Variants in LHPP observed in about 807,000 individuals in gnomAD.
The protein encoded by LHPP is phospholysine phosphohistidine inorganic pyrophosphate phosphatase.
In LHPP, 24 loss-of-function variants were observed where a neutral mutation model predicts 30.3. That is an observed-to-expected ratio of 0.79 (90% CI 0.57 to 1.11). LHPP has a LOEUF of 1.11. Ranked by LOEUF, LHPP falls within the 50% of genes most tolerant of loss-of-function variation. The pLI is 0.00. For missense variants in LHPP, 356 were observed against 367.2 expected (o/e 0.97, Z 0.25); for synonymous variants, 150 against 157.1 (o/e 0.95, Z 0.34).
At chr10:124,504,439 C>CCA (rs1954002270) in intron 5 of LHPP, among the ~76,000 whole-genome samples, 2 of 128,840 alleles carry the variant, frequency 1.6e-5, no homozygotes, top group Admixed American at 7.9e-5. Context: ...AGAAAAAATG[C>CCA]AAAAAAAAAA....
intron 2 of LHPP, among the ~76,000 whole-genome samples, chr10:124,487,724 A>T (rs1408098839): frequency 1.3e-5 from 2 of 152,132 alleles, no homozygotes; most frequent in African/African-American, 4.8e-5. Context: ...GATTACAGGC[A>T]TGAGCCACCG....
chr10:124,467,217 G>C (rs1377402843), intron 1 of LHPP, among the ~76,000 whole-genome samples: 1 of 152,084 alleles, frequency 6.6e-6, no homozygotes, highest in Non-Finnish European at 1.5e-5. Context: ...AGGTGGGGGG[G>C]CTTGGACTGG....
intron 6 of LHPP, among the ~76,000 whole-genome samples, chr10:124,527,135 G>A (rs953047457): frequency 3.3e-5 from 5 of 152,242 alleles, no homozygotes; most frequent in African/African-American, 2.4e-5. Context: ...CTGCCTTTCC[G>A]CTGCTGCTCT....
At chr10:124,501,352 A>G (rs1953891371) in intron 5 of LHPP, among the ~76,000 whole-genome samples, 1 of 151,806 alleles carries the variant, frequency 6.6e-6, no homozygotes, top group Admixed American at 6.5e-5. Flanking sequence ...CTGTAACCAC[A>G]GCACTTTGGG....
chr10:124,506,270 C>A (rs572904209), intron 5 of LHPP, among the ~76,000 whole-genome samples: 1 of 125,980 alleles, frequency 7.9e-6, no homozygotes, highest in African/African-American at 3.0e-5. Flanking sequence ...CAAACCCCCC[C>A]CCCACCCCGC....
chr10:124,582,003 C>T (rs561250481), intron 6 of LHPP, among the ~76,000 whole-genome samples: 3 of 152,156 alleles, frequency 2.0e-5, no homozygotes, highest in East Asian at 1.9e-4. Flanking sequence ...AGGATGGTCT[C>T]GATCTCCTGA....
intron 6 of LHPP, among the ~76,000 whole-genome samples, chr10:124,522,723 G>GCC (rs61278158): frequency 0.23 from 32,196 of 139,964 alleles, 3,740 homozygotes; most frequent in Middle Eastern, 0.33. Flanking sequence ...TGCTGCCCAC[G>GCC]CCCCCCCCCA....
In LHPP at chr10:124,567,495, G is replaced by A. The variant is rs1421169628; in HGVS notation, c.717-45769G>A. On this transcript the variant is annotated intron_variant, in intron 6 of 6. Transcript: ENST00000368842. ...AGTGAGGTTCTTGTCTGGCCGCCCG[G>A]CTCATAGCAATGTTTAATAGATAGT... 2.0e-5 allele frequency among the ~76,000 whole-genome samples: 3 copies of A among 152,256 alleles called. No homozygotes were observed. The East Asian group carries it at 5.8e-4, about 29-fold the overall frequency.
chr10:124,465,165 A>G (rs1360396282), intron 1 of LHPP, among the ~76,000 whole-genome samples: 1 of 152,054 alleles, frequency 6.6e-6, no homozygotes, highest in Non-Finnish European at 1.5e-5. Flanking sequence ...ACAGACCCGG[A>G]GGGATAAGAG....
chr10:124,598,729 G>C (rs115167220), intron 6 of LHPP, among the ~76,000 whole-genome samples: 68 of 150,616 alleles, frequency 4.5e-4, no homozygotes, highest in African/African-American at 1.7e-3. Flanking sequence ...CCGTACACCT[G>C]TTCATCCCCA....
chr10:124,504,668 AAG>A (rs974054466), intron 5 of LHPP, among the ~76,000 whole-genome samples: 1 of 151,164 alleles, frequency 6.6e-6, no homozygotes, highest in Admixed American at 6.6e-5. Flanking sequence ...AGGGGAAGGG[AAG>A]AGAGGGGAGG....
chr10:124,608,986 G>A (rs1949130545), intron 6 of LHPP, among the ~76,000 whole-genome samples: 1 of 152,200 alleles, frequency 6.6e-6, no homozygotes, highest in Non-Finnish European at 1.5e-5. Flanking sequence ...CGGTGCACTT[G>A]AGTGGAAGCA....
chr10:124,563,409 C>T (rs750288832), intron 6 of LHPP, among the ~76,000 whole-genome samples: 20 of 150,082 alleles, frequency 1.3e-4, no homozygotes, highest in Non-Finnish European at 2.2e-4. Flanking sequence ...TGAAAAAAGC[C>T]TATCCCAAAA....
chr10:124,498,761 C>T (rs1442964445), intron 5 of LHPP: 1 of 465,386 alleles, frequency 2.1e-6, no homozygotes, highest in Non-Finnish European at 4.2e-6. Flanking sequence ...CCTGGACCTC[C>T]CAGGCTCAAG....
At chr10:124,515,953 C>T (rs1047163183) in intron 5 of LHPP, among the ~76,000 whole-genome samples, 1 of 152,260 alleles carries the variant, frequency 6.6e-6, no homozygotes, top group African/African-American at 2.4e-5. Context: ...ACAGCTCTTT[C>T]TCCATGCAGC....
intron 6 of LHPP, among the ~76,000 whole-genome samples, chr10:124,560,539 G>A (rs754302284): frequency 5.9e-5 from 9 of 152,358 alleles, no homozygotes; most frequent in East Asian, 3.9e-4. Flanking sequence ...CTCAGGGAGC[G>A]CCGTGGCCTC....
Position 124,523,509 on chromosome 10 carries a change from G to C in LHPP, c.716+6238G>C, listed in dbSNP as rs1246518334. Among the ~76,000 whole-genome samples, 3 of 152,270 alleles carry C rather than the reference G, an allele frequency of 2.0e-5. No homozygotes were observed. The highest frequency in any genetic ancestry group is 7.2e-5 in the African/African-American group (3 of 41,478). On this transcript the variant is annotated intron_variant, in intron 6 of 6. Coordinates refer to ENST00000368842, the MANE Select transcript of LHPP (RefSeq NM_022126.4). This position sits in a 1 kb window ranked among gnomAD's most constrained non-coding sequence, Gnocchi z 4.2. ...AGACTTCGCAGTGACGGATTTCAGA[G>C]TGTTTCCTGTTACGAGAAGGCTGTG...
At chr10:124,511,918 C>T (rs1954310801) in intron 5 of LHPP, among the ~76,000 whole-genome samples, 1 of 152,054 alleles carries the variant, frequency 6.6e-6, no homozygotes, top group Admixed American at 6.5e-5. Context: ...TCCCACCTGT[C>T]CTCCATGTCC....
intron 6 of LHPP, among the ~76,000 whole-genome samples, chr10:124,520,349 G>T (rs1954579517): frequency 6.6e-6 from 1 of 151,698 alleles, no homozygotes; most frequent in Non-Finnish European, 1.5e-5. Context: ...CATGTGTTCA[G>T]ATGCTGTAGG....
Sources: gnomAD v4.1 joint callset for allele counts (sites outside exome capture counted in the v4.1 genomes callset) on GRCh38, gnomAD v4.1.1 for gene constraint, Gnocchi (gnomAD v3.1) non-coding constraint, MANE v1.5 for transcripts, NCBI Gene and HGNC (gene_info 2026-07-23, HGNC 2026-07-21) for gene names.